The following SPOCK3 variants were observed in gnomAD, a reference collection of about 807,000 sequenced individuals.
SPOCK3 encodes SPARC (osteonectin), cwcv and kazal like domains proteoglycan 3.
Under a neutral mutation model 56.6 loss-of-function variants are expected in SPOCK3, and 30 were observed. That is an observed-to-expected ratio of 0.53 (90% CI 0.40 to 0.72). The LOEUF is 0.72. Ranked by LOEUF, SPOCK3 falls within the 30% of genes least tolerant of loss-of-function variation. The probability of loss-of-function intolerance (pLI) is 0.00; values close to 1 mark genes in which losing one functional copy is unlikely to be tolerated. For synonymous variants in SPOCK3, 196 were observed against 183.3 expected (o/e 1.07, Z -0.56); for missense variants, 527 against 530.0 (o/e 0.99, Z 0.06).
intron 4 of SPOCK3, among the ~76,000 whole-genome samples, chr4:166,957,887 T>C (rs1057390799): frequency 2.0e-5 from 3 of 152,176 alleles, no homozygotes; most frequent in African/African-American, 7.2e-5. Flanking sequence ...TGGAAGAGAT[T>C]AGCTTTACTC....
intron 4 of SPOCK3, among the ~76,000 whole-genome samples, chr4:166,961,632 C>T (rs1207364163): frequency 9.9e-5 from 15 of 151,862 alleles, no homozygotes. Flanking sequence ...GGAATCAATT[C>T]TGCTCTTTGA....
At chr4:166,812,450 T>C (rs1421597523) in intron 6 of SPOCK3, among the ~76,000 whole-genome samples, 4 of 151,858 alleles carry the variant, frequency 2.6e-5, no homozygotes, top group African/African-American at 7.2e-5. Flanking sequence ...TTCATTCACA[T>C]AAAAATAAAG....
intron 2 of SPOCK3, among the ~76,000 whole-genome samples, chr4:167,104,466 TCAGTAA>T (rs1297504788): frequency 6.6e-6 from 1 of 152,080 alleles, no homozygotes; most frequent in Non-Finnish European, 1.5e-5. Context: ...TCAGAGTCTC[TCAGTAA>T]CAGAACTGAG....
At chr4:166,970,373 C>T (rs1158329967) in intron 4 of SPOCK3, among the ~76,000 whole-genome samples, 2 of 152,180 alleles carry the variant, frequency 1.3e-5, no homozygotes, top group African/African-American at 4.8e-5. Context: ...CATCAATGTA[C>T]CACCACTCTT....
chr4:166,923,361 T>C (rs1233879833), intron 4 of SPOCK3, among the ~76,000 whole-genome samples: 1 of 152,214 alleles, frequency 6.6e-6, no homozygotes, highest in Non-Finnish European at 1.5e-5. Flanking sequence ...TTATGCTTTA[T>C]AAGATGATAT....
chr4:167,078,574 C>T (rs1242011561), intron 2 of SPOCK3, among the ~76,000 whole-genome samples: 1 of 151,584 alleles, frequency 6.6e-6, no homozygotes, highest in Non-Finnish European at 1.5e-5. Context: ...AACAAATTAA[C>T]ATATTTTCAT....
rs935777522 is a variant in SPOCK3, at chr4:166,733,764, T to C, written c.*1157A>G. 6.6e-6 allele frequency: 1 copy of C among 152,204 alleles called. No individual in the cohort carries two copies. Among genetic ancestry groups the C allele is most frequent in the African/African-American group, 2.4e-5 (1 of 41,412 alleles). The allele number at this position is 152,204 out of a possible 1,614,324, so 9.4% of individuals were successfully genotyped here. A position where few individuals can be genotyped will look rare whatever the true frequency, so the allele number is the denominator to read the frequency against. ...TAAATGCTACTCTACACAATAATCA[T>C]AAACAAGTCCACATGGCAATTATGT... is the stretch of plus-strand genomic sequence containing the variant. On this transcript the variant is annotated 3_prime_UTR_variant, in exon 11 of 11. Transcript: ENST00000357545.
chr4:166,848,676 T>G (rs1301466202), intron 6 of SPOCK3, among the ~76,000 whole-genome samples: 1 of 152,198 alleles, frequency 6.6e-6, no homozygotes, highest in Non-Finnish European at 1.5e-5. Context: ...TTTGCTACTC[T>G]TTGGTTCAGA....
chr4:166,954,543 C>G (rs1743149239), intron 4 of SPOCK3, among the ~76,000 whole-genome samples: 1 of 152,084 alleles, frequency 6.6e-6, no homozygotes, highest in Non-Finnish European at 1.5e-5. Flanking sequence ...TTTCCCAACA[C>G]CATTTAATGA....
intron 3 of SPOCK3, among the ~76,000 whole-genome samples, chr4:167,029,016 A>C (rs1307542896): frequency 1.3e-5 from 2 of 151,814 alleles, no homozygotes; most frequent in Non-Finnish European, 2.9e-5. Flanking sequence ...GCACAGATGA[A>C]CCCATCACCT....
chr4:166,855,495 T>C (rs1235836916), intron 6 of SPOCK3, among the ~76,000 whole-genome samples: 1 of 151,302 alleles, frequency 6.6e-6, no homozygotes, highest in African/African-American at 2.4e-5. Context: ...TACAAACTGT[T>C]TCTTATTAAA....
intron 3 of SPOCK3, among the ~76,000 whole-genome samples, chr4:167,036,541 G>A (rs2150191374): frequency 6.6e-6 from 1 of 152,266 alleles, no homozygotes; most frequent in South Asian, 2.1e-4. Flanking sequence ...CTGTTATTTA[G>A]TGGCCTCTGA....
chr4:166,889,193 A>G lies in SPOCK3; in HGVS notation c.526T>C (p.Cys176Arg). ...GAAGGACATGGGCAATGTCCTTCAC[A>G]TTTGACTGAGATCTGTTTTCCTAAG... ...CVLGKQISVK[C>R]EGHCPCPSDK... The change falls in exon 6 of 11, where the codon TGT becomes CGT. Residue 176 changes from cysteine (C) to arginine (R), a missense_variant. By Grantham distance (180) the Cys-to-Arg change is radical. Transcript: ENST00000357545. The G allele has an allele frequency of 6.2e-7, 1 of 1,612,358 alleles. No homozygotes were observed. Among genetic ancestry groups the G allele is most frequent in the Non-Finnish European group, 8.5e-7 (1 of 1,178,852 alleles).
intron 6 of SPOCK3, among the ~76,000 whole-genome samples, chr4:166,820,078 G>A (rs1326049982): frequency 6.6e-6 from 1 of 151,964 alleles, no homozygotes; most frequent in African/African-American, 2.4e-5. Context: ...CAGATGGAAG[G>A]CAATGCCTAT....
intron 6 of SPOCK3, among the ~76,000 whole-genome samples, chr4:166,828,380 T>C (rs1196502703): frequency 1.3e-5 from 2 of 152,060 alleles, no homozygotes; most frequent in Non-Finnish European, 2.9e-5. Flanking sequence ...ATTTTCCAAA[T>C]GTAATTTAGC....
At chr4:167,126,947 A>G (rs1380542894) in intron 2 of SPOCK3, among the ~76,000 whole-genome samples, 4 of 152,062 alleles carry the variant, frequency 2.6e-5, no homozygotes, top group Admixed American at 2.0e-4. Flanking sequence ...GCCTGGGCCT[A>G]TGTATTCCCC....
chr4:167,223,752 C>G (rs1042084891), intron 2 of SPOCK3, among the ~76,000 whole-genome samples: 1 of 151,986 alleles, frequency 6.6e-6, no homozygotes, highest in African/African-American at 2.4e-5. Flanking sequence ...GAGTTCGAGA[C>G]CAGCTTGGGC....
At chr4:166,958,877 G>A (rs1743817478) in intron 4 of SPOCK3, among the ~76,000 whole-genome samples, 1 of 152,172 alleles carries the variant, frequency 6.6e-6, no homozygotes, top group Non-Finnish European at 1.5e-5. Context: ...CATAGGCACA[G>A]GAAAGGGATG....
chr4:167,078,409 G>T (rs1445717831), intron 2 of SPOCK3, among the ~76,000 whole-genome samples: 1 of 148,954 alleles, frequency 6.7e-6, no homozygotes, highest in African/African-American at 2.5e-5. Context: ...AATGGGGACG[G>T]TAGGTAGTAC....
Sources: gnomAD v4.1 joint callset for allele counts (sites outside exome capture counted in the v4.1 genomes callset) on GRCh38, gnomAD v4.1.1 for gene constraint, MANE v1.5 for transcripts, NCBI Gene and HGNC (gene_info 2026-07-23, HGNC 2026-07-21) for gene names.